The following CNTN3 variants were observed in gnomAD, a reference collection of about 807,000 sequenced individuals.
CNTN3 encodes contactin 3.
CNTN3 carries 60 observed loss-of-function variants against 119.1 expected under a neutral mutation model. That is an observed-to-expected ratio of 0.50 (90% CI 0.41 to 0.62). The LOEUF (loss-of-function observed/expected upper bound fraction) is 0.62. CNTN3 is among the 20% of genes least tolerant of loss of function. CNTN3 has a pLI of 0.00. For missense variants in CNTN3, 1,101 were observed against 1,242.4 expected (o/e 0.89, Z 1.71); for synonymous variants, 450 against 438.7 (o/e 1.03, Z -0.32).
At chr3:74,423,009 G>T (rs1353812116) in intron 5 of CNTN3, among the ~76,000 whole-genome samples, 1 of 152,090 alleles carries the variant, frequency 6.6e-6, no homozygotes, top group East Asian at 1.9e-4. Flanking sequence ...AGGATATTTA[G>T]CATTAAGGAT....
chr3:74,595,513 T>A (rs1197218771), intron 1 of CNTN3, among the ~76,000 whole-genome samples: 1 of 152,122 alleles, frequency 6.6e-6, no homozygotes, highest in Non-Finnish European at 1.5e-5. Context: ...GCTTCATCCC[T>A]GGGATGCAAG....
At position 74,344,583 on chromosome 3, in the gene CNTN3, G is replaced by A. The variant is rs147332161; in HGVS notation, c.1365-7925C>T. On this transcript the variant is annotated intron_variant, in intron 11 of 22. Coordinates refer to ENST00000263665, the MANE Select transcript of CNTN3 (RefSeq NM_020872.3). ...CGCCATTCTCCTGCCTCGGCCTCCC[G>A]AGTAGCTGGGACTACAGGCGGCCGA... Among the ~76,000 whole-genome samples the A allele has an allele frequency of 2.3e-3, 352 of 151,336 alleles. 2 individuals carry two copies. The highest frequency in any genetic ancestry group is 6.8e-3 in the African/African-American group (279 of 41,260).
At chr3:74,511,268 A>G (rs1559639926) in intron 2 of CNTN3, among the ~76,000 whole-genome samples, 1 of 152,154 alleles carries the variant, frequency 6.6e-6, no homozygotes. Flanking sequence ...TTCCATATTC[A>G]TAGACTACAG....
intron 11 of CNTN3, among the ~76,000 whole-genome samples, chr3:74,345,924 C>T (rs1703678416): frequency 6.6e-6 from 1 of 152,170 alleles, no homozygotes; most frequent in Non-Finnish European, 1.5e-5. Context: ...GGACCTTGCT[C>T]TGTCATAAAC....
At chr3:74,282,286 A>T (rs1376588434) in intron 20 of CNTN3, among the ~76,000 whole-genome samples, 1 of 152,244 alleles carries the variant, frequency 6.6e-6, no homozygotes, top group Non-Finnish European at 1.5e-5. Flanking sequence ...ATCATCTAAA[A>T]TCTGTACTGA....
chr3:74,492,437 A>C (rs1314703941), intron 3 of CNTN3, among the ~76,000 whole-genome samples: 1 of 152,186 alleles, frequency 6.6e-6, no homozygotes. Context: ...TGGCTAGAAA[A>C]GGTAGTGTCT....
At chr3:74,595,819 A>C (rs1475768737) in intron 1 of CNTN3, among the ~76,000 whole-genome samples, 1 of 152,150 alleles carries the variant, frequency 6.6e-6, no homozygotes, top group African/African-American at 2.4e-5. Flanking sequence ...TATTCAACGT[A>C]GTGTTGGAAG....
At chr3:74,349,251 G>A (rs1309594175) in intron 11 of CNTN3, among the ~76,000 whole-genome samples, 1 of 152,164 alleles carries the variant, frequency 6.6e-6, no homozygotes, top group Non-Finnish European at 1.5e-5. Context: ...GGCTTTGCAA[G>A]AATACAGGTG....
chr3:74,613,352 GT>G (rs1163330352), intron 1 of CNTN3, among the ~76,000 whole-genome samples: 1 of 150,762 alleles, frequency 6.6e-6, no homozygotes, highest in Non-Finnish European at 1.5e-5. Context: ...ATGAGCTGGG[GT>G]TTCTGACCTC....
chr3:74,341,196 G>A (rs1275012094), intron 11 of CNTN3, among the ~76,000 whole-genome samples: 1 of 152,120 alleles, frequency 6.6e-6, no homozygotes, highest in Non-Finnish European at 1.5e-5. Context: ...GAGGCCCACA[G>A]GGCATTTGCA....
intron 1 of CNTN3, among the ~76,000 whole-genome samples, chr3:74,558,919 G>C (rs955151985): frequency 1.3e-5 from 2 of 151,598 alleles, no homozygotes; most frequent in Non-Finnish European, 2.9e-5. Flanking sequence ...GGAGGTGGAG[G>C]TTGCAGTGAG....
At chr3:74,527,137 T>C (rs1258092044) in intron 1 of CNTN3, among the ~76,000 whole-genome samples, 2 of 151,884 alleles carry the variant, frequency 1.3e-5, no homozygotes, top group African/African-American at 4.8e-5. Flanking sequence ...TTATTTTTCA[T>C]GCATAAATTA....
intron 1 of CNTN3, among the ~76,000 whole-genome samples, chr3:74,522,941 C>T (rs1445377949): frequency 2.0e-5 from 3 of 151,588 alleles, no homozygotes; most frequent in Non-Finnish European, 3.0e-5. Context: ...CCAGGTCCCA[C>T]GTGATTGATG....
At chr3:74,284,261 T>C (rs1278541615) in intron 20 of CNTN3, among the ~76,000 whole-genome samples, 1 of 152,160 alleles carries the variant, frequency 6.6e-6, no homozygotes, top group Non-Finnish European at 1.5e-5. Context: ...GAAACAGAAA[T>C]GCGTCAATGA....
intron 3 of CNTN3, 95 bp from the exon 4 acceptor site, chr3:74,486,726 A>G: frequency 1.0e-6 from 1 of 1,001,454 alleles, no homozygotes; most frequent in East Asian, 2.7e-5. Context: ...TATCCCTCAA[A>G]AGTAAAAAGT....
At chr3:74,554,707 GCTCTCTGC>G (rs1649375327) in intron 1 of CNTN3, among the ~76,000 whole-genome samples, 1 of 151,996 alleles carries the variant, frequency 6.6e-6, no homozygotes, top group African/African-American at 2.4e-5. Flanking sequence ...TCATGATTTG[GCTCTCTGC>G]CTGTTATTGG....
At chr3:74,479,556 T>C (rs571758262) in intron 4 of CNTN3, among the ~76,000 whole-genome samples, 2 of 152,128 alleles carry the variant, frequency 1.3e-5, no homozygotes, top group South Asian at 2.1e-4. Context: ...TATGCCAGCA[T>C]ACTAATTTTT....
chr3:74,438,903 A>C (rs1170955272), intron 4 of CNTN3, among the ~76,000 whole-genome samples: 2 of 152,190 alleles, frequency 1.3e-5, no homozygotes, highest in Non-Finnish European at 2.9e-5. Flanking sequence ...TCCTAACTCA[A>C]CACAAAAATA....
chr3:74,366,780 G>GTGTGTGTGTGTATA (rs1447686332), intron 8 of CNTN3, among the ~76,000 whole-genome samples: 1 of 63,714 alleles, frequency 1.6e-5, no homozygotes, highest in African/African-American at 8.5e-5. Context: ...GTGTGTGTGT[G>GTGTGTGTGTGTATA]TATATATATA....
Sources: gnomAD v4.1 joint callset for allele counts (sites outside exome capture counted in the v4.1 genomes callset) on GRCh38, gnomAD v4.1.1 for gene constraint, MANE v1.5 for transcripts, NCBI Gene and HGNC (gene_info 2026-07-23, HGNC 2026-07-21) for gene names.